BNIP5: variants seen among roughly 807,000 people sequenced by gnomAD.
The protein encoded by BNIP5 is protein BNIP5.
A neutral mutation model predicts 67.3 loss-of-function variants in BNIP5; 61 were observed. The observed-to-expected ratio is 0.91, with a 90% CI of 0.74 to 1.12. BNIP5 has a LOEUF of 1.12. Ranked by LOEUF, BNIP5 falls within the 50% of genes most tolerant of loss-of-function variation. The pLI, the probability that BNIP5 is intolerant of heterozygous loss-of-function variation, is 0.00. For synonymous variants in BNIP5, 317 were observed against 319.0 expected (o/e 0.99, Z 0.07); for missense variants, 826 against 816.3 (o/e 1.01, Z -0.14).
intron 3 of BNIP5, among the ~76,000 whole-genome samples, chr6:36,328,169 C>T (rs972474511): frequency 1.3e-5 from 2 of 152,170 alleles, no homozygotes; most frequent in African/African-American, 4.8e-5. Context: ...GCATGATTTA[C>T]TCCAAAATGA....
chr6:36,324,580 T>G (rs1771717585), intron 6 of BNIP5, among the ~76,000 whole-genome samples: 1 of 1,794 alleles, frequency 5.6e-4, no homozygotes, highest in Non-Finnish European at 1.1e-3. Context: ...TGATATTATA[T>G]ATATATATAT....
At position 36,327,065 on chromosome 6, in the gene BNIP5, A is replaced by G. The variant is rs777409472; in HGVS notation, c.757T>C (p.Leu253=). The change falls in exon 4 of 12, where the codon TTG becomes CTG. Residue 253 remains leucine (L), a synonymous_variant. Coordinates refer to ENST00000437635, the MANE Select transcript of BNIP5 (RefSeq NM_001010903.5). The part of the protein sequence containing the change: ...QDAIIQMIVE[L]LKRVGDQWEE... ...CACTGGTCTCCCACTCTTTTGAGCA[A>G]TTCCACTATCATCTGAATGATAGCA... 1 of 1,614,170 alleles carries G rather than the reference A, an allele frequency of 6.2e-7. No individual in the cohort carries two copies. The highest frequency in any genetic ancestry group is 8.5e-7 in the Non-Finnish European group (1 of 1,179,976).
At chr6:36,317,506 T>G in intron 11 of BNIP5, 115 bp from the exon 12 acceptor site, 1 of 883,156 alleles carries the variant, frequency 1.1e-6, no homozygotes. Flanking sequence ...CCTCCATCTC[T>G]GGGTCTTTGT....
rs1445949157 is a variant in BNIP5, at chr6:36,322,432, A to G, written c.1482T>C (p.Asp494=). 11 of 1,613,412 alleles carry G rather than the reference A, an allele frequency of 6.8e-6. No homozygotes were observed. The highest frequency in any genetic ancestry group is 9.3e-6 in the Non-Finnish European group (11 of 1,179,788). Reference sequence around the variant, plus strand: ...CGGGCAGGGGCTCCCGGCACTCGAGATCTTCTGGATCTAGGGCAAAAAAAG... The same window carrying G: ...CGGGCAGGGGCTCCCGGCACTCGAGGTCTTCTGGATCTAGGGCAAAAAAAG... ...PSTSSSLDPE[D]LECREPLPAE... is the part of the protein sequence containing the mutation. The change falls in exon 9 of 12, where the codon GAT becomes GAC. Residue 494 remains aspartate, a synonymous_variant. Coordinates refer to ENST00000437635, the MANE Select transcript of BNIP5 (RefSeq NM_001010903.5).
chr6:36,330,485 T>G lies in BNIP5; in HGVS notation c.206A>C (p.His69Pro). 4 of 1,614,106 alleles carry G rather than the reference T, an allele frequency of 2.5e-6. No homozygotes were observed. Among genetic ancestry groups the G allele is most frequent in the Non-Finnish European group, 3.4e-6 (4 of 1,179,978 alleles). ...SDSPAPSAEA[H>P]CTTAAAPTPE... ...AGTGGGGGCTGCAGCGGTGGTGCAG[T>G]GAGCCTCTGCAGATGGAGCTGGGCT... is the stretch of plus-strand genomic sequence containing the variant. The change falls in exon 2 of 12, where the codon CAC (histidine) becomes CCC (proline). Residue 69 changes from histidine (H) to proline (P), a missense_variant. His to Pro is a moderately conservative substitution (Grantham distance 77). Transcript: ENST00000437635.
At chr6:36,326,163 C>A (rs1265010286) in intron 5 of BNIP5, among the ~76,000 whole-genome samples, 1 of 152,242 alleles carries the variant, frequency 6.6e-6, no homozygotes, top group Admixed American at 6.5e-5. Flanking sequence ...GAACCCAGGT[C>A]TCCTGCCTCC....
Position 36,326,385 on chromosome 6 carries a change from G to A in BNIP5, c.1036+125C>T, listed in dbSNP as rs536200342. On this transcript the variant is annotated intron_variant, in intron 5 of 11. Coordinates refer to ENST00000437635, the MANE Select transcript of BNIP5 (RefSeq NM_001010903.5). Reference sequence around the variant, plus strand: ...CCCACAGTCATCCTCACACCACTCAGGGCAGAGTGCAAAAGTCAGACCAGG... The same window carrying A: ...CCCACAGTCATCCTCACACCACTCAAGGCAGAGTGCAAAAGTCAGACCAGG... 45 of 1,203,544 alleles carry A rather than the reference G, an allele frequency of 3.7e-5. No homozygotes were observed. The African/African-American group carries it at 6.1e-4, about 16-fold the overall frequency. 74.6% of individuals were successfully genotyped at this position (1,203,544 alleles called of 1,614,324 possible).
Position 36,327,106 on chromosome 6 carries a change from C to CA in BNIP5, c.728-13dup. ...AATGATAGCATCCTCTGGAAGAAAG[C>CA]AAATGCATCCGGTTATTCTTTCTAA... On this transcript the variant is annotated splice_polypyrimidine_tract_variant and intron_variant, in intron 3 of 11. Transcript: ENST00000437635. The CA allele has an allele frequency of 1.2e-6, 2 of 1,610,910 alleles. No homozygotes were observed. Among genetic ancestry groups the CA allele is most frequent in the Non-Finnish European group, 1.7e-6 (2 of 1,177,082 alleles).
At chr6:36,326,906 T>C (rs1771776231) in intron 4 of BNIP5, 124 bp downstream of exon 4, 1 of 1,384,824 alleles carries the variant, frequency 7.2e-7, no homozygotes, top group Non-Finnish European at 1.0e-6. Context: ...GTTCTGAAGC[T>C]GCAGAAGGAG....
intron 2 of BNIP5, 33 bp downstream of exon 2, chr6:36,330,048 G>C (rs1393127456): frequency 1.8e-5 from 28 of 1,556,682 alleles, no homozygotes; most frequent in Non-Finnish European, 2.4e-5. Flanking sequence ...AGCACCCTAG[G>C]GGTTGCCATA....
At chr6:36,317,711 T>C (rs1404166079) in intron 11 of BNIP5, among the ~76,000 whole-genome samples, 1 of 152,228 alleles carries the variant, frequency 6.6e-6, no homozygotes, top group Non-Finnish European at 1.5e-5. Context: ...GTCTTTTCCA[T>C]TGGCAGATGA....
chr6:36,334,018 G>C (rs1173644300), intron 1 of BNIP5, among the ~76,000 whole-genome samples: 1 of 152,208 alleles, frequency 6.6e-6, no homozygotes, highest in Non-Finnish European at 1.5e-5. Flanking sequence ...CCCAGTTAAC[G>C]GGAAGAGAGA....
At chr6:36,327,212 C>T (rs1771785492) in intron 3 of BNIP5, 118 bp from the exon 4 acceptor site, 2 of 883,308 alleles carry the variant, frequency 2.3e-6, no homozygotes, top group Non-Finnish European at 1.8e-6. Flanking sequence ...GGAGGGAAAG[C>T]ACCACATCCC....
In BNIP5 at chr6:36,321,146, G is replaced by A; in HGVS notation, c.1668+9C>T. On this transcript the variant is annotated intron_variant, in intron 10 of 11. Transcript: ENST00000437635. The stretch of plus-strand genomic sequence containing the variant: ...GGGGTTGGCCTGGGGAGGGCTGAGT[G>A]GTACTCACCTGCTGCCCCAGTTGGC... 9 of 1,574,838 alleles carry A rather than the reference G, an allele frequency of 5.7e-6. No individual in the cohort carries two copies. The highest frequency in any genetic ancestry group is 6.9e-6 in the Non-Finnish European group (8 of 1,158,086).
chr6:36,324,456 C>T (rs1261670753), intron 6 of BNIP5, among the ~76,000 whole-genome samples: 2 of 150,750 alleles, frequency 1.3e-5, no homozygotes, highest in Non-Finnish European at 3.0e-5. Flanking sequence ...CCTGCACCTT[C>T]TCCCTGTCCA....
rs563163742 is a variant in BNIP5 at position 36,322,553 on chromosome 6, G to A, written c.1472-111C>T. On this transcript the variant is annotated intron_variant, in intron 8 of 11. Transcript: ENST00000437635. ...GCAGGGGCTGGTTTCCAGGCTCCTC[G>A]GTGAGTTTCCTGCCCCCGGCTCTGC... The A allele has an allele frequency of 2.9e-3, 3,477 of 1,219,894 alleles. 8 individuals are homozygous for A. Among genetic ancestry groups the A allele is most frequent in the Non-Finnish European group, 3.7e-3 (3,202 of 873,452 alleles). The allele number at this position is 1,219,894 out of a possible 1,614,324, so 75.6% of individuals were successfully genotyped here. A position where few individuals can be genotyped will look rare whatever the true frequency, so the allele number is the denominator to read the frequency against.
rs1249056552 is a variant in BNIP5 at position 36,317,126 on chromosome 6, C to G, written c.*230G>C. On this transcript the variant is annotated 3_prime_UTR_variant, in exon 12 of 12. Transcript: ENST00000437635. ...AGGTAGAGCCCCAGTCTTCCTCATT[C>G]CCAGTCCAGTGCTGATTTCCCCAGA... The G allele has an allele frequency of 3.4e-6, 2 of 593,398 alleles. No individual in the cohort carries two copies. Among genetic ancestry groups the G allele is most frequent in the African/African-American group, 3.7e-5 (2 of 53,420 alleles). The allele number at this position is 593,398 out of a possible 1,614,324, so 36.8% of individuals were successfully genotyped here.
Position 36,330,591 on chromosome 6 carries a change from A to G in BNIP5, c.100T>C (p.Cys34Arg), listed in dbSNP as rs1771877879. ...APGKGSESWD[C>R]HWLSLPTAPS... is the part of the protein sequence containing the mutation. ...GCAGTGGGCAGGGAGAGCCAATGGC[A>G]GTCCCACGACTCCGAGCCTTTCCCG... The change falls in exon 2 of 12, where the codon TGC (cysteine) becomes CGC (arginine). Residue 34 changes from cysteine (C) to arginine (R), a missense_variant. Coordinates refer to ENST00000437635, the MANE Select transcript of BNIP5 (RefSeq NM_001010903.5). 1 of 1,612,928 alleles carries G rather than the reference A, an allele frequency of 6.2e-7. No individual in the cohort carries two copies. The highest frequency in any genetic ancestry group is 8.5e-7 in the Non-Finnish European group (1 of 1,180,012).
chr6:36,320,775 C>T lies in BNIP5; in HGVS notation c.1668+380G>A, dbSNP rs547153371. The stretch of plus-strand genomic sequence containing the variant: ...GCAAGACCGAGAGTGAACCCGGAGA[C>T]CACAGGGAATGGAATCAGCCGGGCG... On this transcript the variant is annotated intron_variant, in intron 10 of 11. Transcript: ENST00000437635. Among the ~76,000 whole-genome samples, 10 of 152,206 alleles carry T rather than the reference C, an allele frequency of 6.6e-5. No homozygotes were observed. In the South Asian group the frequency reaches 1.5e-3, roughly 22 times the overall value.
Sources: gnomAD v4.1 joint callset for allele counts (sites outside exome capture counted in the v4.1 genomes callset) on GRCh38, gnomAD v4.1.1 for gene constraint, MANE v1.5 for transcripts, NCBI Gene and HGNC (gene_info 2026-07-23, HGNC 2026-07-21) for gene names.